The following RCAN2 variants were observed in gnomAD, a reference collection of about 807,000 sequenced individuals.
RCAN2 encodes calcipressin-2.
RCAN2 carries 9 observed loss-of-function variants against 23.6 expected under a neutral mutation model. That is an observed-to-expected ratio of 0.38 (90% CI 0.23 to 0.67). The LOEUF is 0.67. Among genes scored for constraint, RCAN2 ranks in the 30% least tolerant of loss-of-function variants. The probability of loss-of-function intolerance (pLI) is 0.51; values close to 1 mark genes in which losing one functional copy is unlikely to be tolerated. For synonymous variants in RCAN2, 109 were observed against 115.7 expected, an observed-to-expected ratio of 0.94 and a Z score of 0.37; for missense variants, 273 against 302.3, an observed-to-expected ratio of 0.90 and a Z score of 0.72.
rs1762609733 is a variant in RCAN2, at chr6:46,292,789, G to C, written c.226-43893C>G. Among the ~76,000 whole-genome samples, 4 of 151,876 alleles carry C rather than the reference G, an allele frequency of 2.6e-5. No homozygotes were observed. In the South Asian group the frequency reaches 8.3e-4, roughly 32 times the overall value. ...GCAGAACGTGCAGGTTTGTTACATA[G>C]GTATACATGTGCCATGGTGGTTTGC... On this transcript the variant is annotated intron_variant, in intron 2 of 4. Transcript: ENST00000371374.
At chr6:46,235,919 A>G (rs1210578855) in intron 4 of RCAN2, among the ~76,000 whole-genome samples, 1 of 152,074 alleles carries the variant, frequency 6.6e-6, no homozygotes, top group Non-Finnish European at 1.5e-5. Flanking sequence ...GAGTAATGTG[A>G]CTCTGAGAAA....
chr6:46,240,427 G>C (rs1286342998), intron 4 of RCAN2, among the ~76,000 whole-genome samples: 1 of 152,128 alleles, frequency 6.6e-6, no homozygotes, highest in African/African-American at 2.4e-5. Flanking sequence ...TGGAATATAT[G>C]CTGGGAAGAA....
At chr6:46,337,215 C>G (rs1409458295) in intron 2 of RCAN2, among the ~76,000 whole-genome samples, 1 of 151,990 alleles carries the variant, frequency 6.6e-6, no homozygotes, top group Non-Finnish European at 1.5e-5. Flanking sequence ...TTACTTCTTA[C>G]AATGGTAAGA....
chr6:46,401,472 A>G (rs114228025), intron 2 of RCAN2, among the ~76,000 whole-genome samples: 284 of 152,128 alleles, frequency 1.9e-3, no homozygotes, highest in Non-Finnish European at 3.5e-3. Flanking sequence ...CTAATTATCA[A>G]AGGTATTGAG....
chr6:46,339,546 C>G (rs1764240525), intron 2 of RCAN2, among the ~76,000 whole-genome samples: 1 of 151,950 alleles, frequency 6.6e-6, no homozygotes, highest in Non-Finnish European at 1.5e-5. Flanking sequence ...GGGTGGGAAG[C>G]TATGGGGAAG....
chr6:46,275,990 G>A (rs551618336), intron 2 of RCAN2, among the ~76,000 whole-genome samples: 4 of 152,220 alleles, frequency 2.6e-5, no homozygotes, highest in South Asian at 4.1e-4. Context: ...GGTGGATCAC[G>A]ATGTCAGGAG....
chr6:46,372,474 C>T (rs1582149871), intron 2 of RCAN2, among the ~76,000 whole-genome samples: 1 of 152,176 alleles, frequency 6.6e-6, no homozygotes, highest in East Asian at 1.9e-4. Context: ...CTGTCACAGT[C>T]CCCAAACTAA....
intron 2 of RCAN2, among the ~76,000 whole-genome samples, chr6:46,322,967 T>G (rs909940541): frequency 3.3e-5 from 5 of 152,236 alleles, no homozygotes; most frequent in Admixed American, 6.5e-5. Flanking sequence ...TTCCCCCTTT[T>G]TAATAAGCAC....
intron 1 of RCAN2, among the ~76,000 whole-genome samples, chr6:46,487,267 C>T (rs1393584365): frequency 6.6e-6 from 1 of 152,184 alleles, no homozygotes; most frequent in African/African-American, 2.4e-5. Context: ...TTCTTTATCT[C>T]TAAGAAGGTA....
At chr6:46,472,727 T>C (rs73454995) in intron 1 of RCAN2, among the ~76,000 whole-genome samples, 3,693 of 152,270 alleles carry the variant, frequency 0.024, 163 homozygotes, top group African/African-American at 0.083. Flanking sequence ...ACAGACTAAG[T>C]AGAATTTCTT....
At chr6:46,424,268 C>G (rs916374518) in intron 2 of RCAN2, among the ~76,000 whole-genome samples, 6 of 152,236 alleles carry the variant, frequency 3.9e-5, no homozygotes, top group African/African-American at 1.4e-4. Flanking sequence ...ATTATCATCA[C>G]ATTCATGTTA....
chr6:46,282,889 G>A (rs893510598), intron 2 of RCAN2, among the ~76,000 whole-genome samples: 7 of 152,290 alleles, frequency 4.6e-5, no homozygotes, highest in South Asian at 2.1e-4. Context: ...AATAATAAAC[G>A]TACAACATAA....
At chr6:46,321,720 G>C (rs1561858222) in intron 2 of RCAN2, among the ~76,000 whole-genome samples, 1 of 152,252 alleles carries the variant, frequency 6.6e-6, no homozygotes, top group African/African-American at 2.4e-5. Context: ...GCCCCCCACA[G>C]TGGCCAGCAG....
intron 2 of RCAN2, among the ~76,000 whole-genome samples, chr6:46,435,980 T>C (rs954959826): frequency 6.6e-6 from 1 of 152,218 alleles, no homozygotes; most frequent in Non-Finnish European, 1.5e-5. Context: ...AGGAAATGTG[T>C]AGCTGTTCAA....
At chr6:46,323,362 C>T (rs563565952) in intron 2 of RCAN2, among the ~76,000 whole-genome samples, 1 of 150,410 alleles carries the variant, frequency 6.6e-6, no homozygotes, top group African/African-American at 2.5e-5. Context: ...AGACTAAGGC[C>T]CAGAAAGATT....
chr6:46,401,487 C>A (rs928625224), intron 2 of RCAN2, among the ~76,000 whole-genome samples: 1 of 152,016 alleles, frequency 6.6e-6, no homozygotes, highest in Non-Finnish European at 1.5e-5. Flanking sequence ...ATTGAGATGT[C>A]CTGAGAGAGA....
chr6:46,425,376 A>G (rs1204614432), intron 2 of RCAN2, among the ~76,000 whole-genome samples: 3 of 152,202 alleles, frequency 2.0e-5, no homozygotes, highest in Admixed American at 6.5e-5. Flanking sequence ...ATGTGAGAAT[A>G]TAAGTGAAAA....
intron 1 of RCAN2, among the ~76,000 whole-genome samples, chr6:46,470,048 T>G (rs1418880949): frequency 1.3e-5 from 2 of 152,170 alleles, no homozygotes; most frequent in Non-Finnish European, 2.9e-5. Context: ...TGTGAGAAAA[T>G]TAATTTCTCT....
intron 4 of RCAN2, among the ~76,000 whole-genome samples, chr6:46,244,421 T>C (rs1766440708): frequency 6.6e-6 from 1 of 152,192 alleles, no homozygotes; most frequent in Admixed American, 6.5e-5. Flanking sequence ...GTCACATTTG[T>C]CCCTGTCTGT....
Sources: gnomAD v4.1 joint callset for allele counts (sites outside exome capture counted in the v4.1 genomes callset) on GRCh38, gnomAD v4.1.1 for gene constraint, MANE v1.5 for transcripts, NCBI Gene and HGNC (gene_info 2026-07-23, HGNC 2026-07-21) for gene names.